Variants in MEIOB observed in about 807,000 individuals in gnomAD.
MEIOB encodes meiosis-specific with OB domain-containing protein.
MEIOB carries 50 observed loss-of-function variants against 53.1 expected under a neutral mutation model. That is an observed-to-expected ratio of 0.94 (90% CI 0.75 to 1.19). The LOEUF is 1.19. Ranked by LOEUF, MEIOB falls within the 50% of genes most tolerant of loss-of-function variation. The pLI is 0.00. For synonymous variants in MEIOB, 192 were observed against 182.5 expected, an observed-to-expected ratio of 1.05 and a Z score of -0.42; for missense variants, 551 against 550.8, an observed-to-expected ratio of 1.00 and a Z score of 0.00.
At chr16:1,869,572 C>G (rs969083054) in intron 1 of MEIOB, among the ~76,000 whole-genome samples, 3 of 151,974 alleles carry the variant, frequency 2.0e-5, no homozygotes, top group African/African-American at 4.8e-5. Flanking sequence ...CTCAGCCTCC[C>G]GAGTAGCTGG....
At chr16:1,866,483 G>A in intron 2 of MEIOB, among the ~76,000 whole-genome samples, 1 of 152,168 alleles carries the variant, frequency 6.6e-6, no homozygotes. Flanking sequence ...CACTCTGGGA[G>A]GCTGAGGCGG....
chr16:1,834,100 G>C lies in MEIOB; in HGVS notation c.*156C>G, dbSNP rs1898674645. On this transcript the variant is annotated 3_prime_UTR_variant, in exon 14 of 14. Transcript: ENST00000325962. Reference sequence around the variant, plus strand: ...GGAGGTCAGATGAGAGAGGCCTTCAGACTCACCCAGACCACCTCCACCATA... The same window carrying C: ...GGAGGTCAGATGAGAGAGGCCTTCACACTCACCCAGACCACCTCCACCATA... 1.8e-6 allele frequency: 1 copy of C among 559,858 alleles called. No individual in the cohort carries two copies. The highest frequency in any genetic ancestry group is 2.4e-5 in the South Asian group (1 of 41,050). 34.7% of individuals were successfully genotyped at this position (559,858 alleles called of 1,614,324 possible).
At chr16:1,837,661 T>C (rs980426408) in intron 13 of MEIOB, 123 bp downstream of exon 13, 2 of 534,900 alleles carry the variant, frequency 3.7e-6, no homozygotes, top group South Asian at 3.8e-5. Flanking sequence ...TGAATCCTTA[T>C]GCACATCTGG....
intron 4 of MEIOB, among the ~76,000 whole-genome samples, chr16:1,861,732 G>T (rs1899448613): frequency 6.6e-6 from 1 of 151,790 alleles, no homozygotes; most frequent in Admixed American, 6.6e-5. Context: ...ATGGGGTCTT[G>T]CCATGTTGCT....
At chr16:1,843,669 G>T (rs1485583221) in intron 10 of MEIOB, 1 of 149,182 alleles carries the variant, frequency 6.7e-6, no homozygotes, top group Non-Finnish European at 1.5e-5. Flanking sequence ...TTGCATCCCA[G>T]CCTGGGTGAC....
intron 10 of MEIOB, 106 bp from the exon 11 acceptor site, chr16:1,842,079 T>A: frequency 2.8e-6 from 2 of 713,704 alleles, no homozygotes; most frequent in Non-Finnish European, 2.0e-6. Flanking sequence ...GTAGCTTAAG[T>A]AACAGAAAAA....
chr16:1,845,025 A>C, intron 9 of MEIOB, 62 bp from the exon 10 acceptor site: 1 of 733,408 alleles, frequency 1.4e-6, no homozygotes, highest in African/African-American at 1.8e-5. Context: ...TCACATTTAA[A>C]TCATCCAAAA....
intron 7 of MEIOB, among the ~76,000 whole-genome samples, chr16:1,853,547 G>A (rs1456783366): frequency 1.3e-5 from 2 of 152,198 alleles, no homozygotes; most frequent in African/African-American, 4.8e-5. Context: ...CTCCAGGCTA[G>A]TTAGAACTAA....
At chr16:1,837,223 C>T (rs1474373856) in intron 13 of MEIOB, among the ~76,000 whole-genome samples, 1 of 152,116 alleles carries the variant, frequency 6.6e-6, no homozygotes, top group Non-Finnish European at 1.5e-5. Context: ...TGCAGGGTCT[C>T]ACAGGCTGAG....
intron 9 of MEIOB, among the ~76,000 whole-genome samples, chr16:1,845,477 G>T (rs539704960): frequency 6.6e-6 from 1 of 151,738 alleles, no homozygotes; most frequent in Admixed American, 6.6e-5. Context: ...CTGAGATAGC[G>T]CCACTGCACT....
At chr16:1,856,718 C>T (rs914898145) in intron 6 of MEIOB, among the ~76,000 whole-genome samples, 1 of 151,422 alleles carries the variant, frequency 6.6e-6, no homozygotes, top group Non-Finnish European at 1.5e-5. Context: ...CCTCAGCCTC[C>T]CAAAGTGCTA....
At chr16:1,847,962 T>A (rs920517198) in intron 9 of MEIOB, among the ~76,000 whole-genome samples, 3 of 152,064 alleles carry the variant, frequency 2.0e-5, no homozygotes, top group Non-Finnish European at 2.9e-5. Flanking sequence ...TATTATTATT[T>A]TTTGAGACAG....
Position 1,834,222 on chromosome 16 carries a change from T to G in MEIOB, c.*34A>C. ...CCATTTTAAAGGGAGTTAAAACTCT[T>G]ATACTTTTCCAGAGTTCAAAATGAT... On this transcript the variant is annotated 3_prime_UTR_variant, in exon 14 of 14. Transcript: ENST00000325962. 8.6e-7 allele frequency: 1 copy of G among 1,162,926 alleles called. No homozygotes were observed. Among genetic ancestry groups the G allele is most frequent in the Non-Finnish European group, 1.3e-6 (1 of 781,620 alleles). 72.0% of individuals were successfully genotyped at this position (1,162,926 alleles called of 1,614,324 possible).
chr16:1,834,965 T>C (rs1434421929), intron 13 of MEIOB, among the ~76,000 whole-genome samples: 1 of 98,164 alleles, frequency 1.0e-5, no homozygotes, highest in African/African-American at 4.0e-5. Context: ...AAAAAATGTC[T>C]AATGCAGGGC....
rs866775702 is a variant in MEIOB, at chr16:1,856,187, G to A, written c.528+1548C>T. On this transcript the variant is annotated intron_variant, in intron 6 of 13. Coordinates refer to ENST00000325962, the MANE Select transcript of MEIOB (RefSeq NM_001163560.3). ...TTTTTTTTTTTTGAGACGGAGTCTC[G>A]TTCTGTCGCCCAGACTGGAGGGCAG... is the stretch of plus-strand genomic sequence containing the variant. Among the ~76,000 whole-genome samples, 61 of 146,230 alleles carry A rather than the reference G, an allele frequency of 4.2e-4. No individual in the cohort carries two copies. The Middle Eastern group carries it at 0.037, about 89-fold the overall frequency.
intron 10 of MEIOB, among the ~76,000 whole-genome samples, chr16:1,843,097 A>G (rs960243181): frequency 2.2e-4 from 33 of 150,932 alleles, no homozygotes; most frequent in African/African-American, 7.8e-4. Context: ...GATCGCGACC[A>G]TCCTGGCTAA....
chr16:1,846,589 G>A (rs1045821907), intron 9 of MEIOB, among the ~76,000 whole-genome samples: 12 of 152,136 alleles, frequency 7.9e-5, no homozygotes, highest in African/African-American at 2.4e-4. Flanking sequence ...AGAAAATGTG[G>A]TACATGTATA....
chr16:1,871,027 T>C (rs1049976585), intron 1 of MEIOB, among the ~76,000 whole-genome samples: 1 of 152,080 alleles, frequency 6.6e-6, no homozygotes, highest in Non-Finnish European at 1.5e-5. Context: ...ATTATCTCTC[T>C]GAATTCCCTT....
At chr16:1,869,875 G>T (rs1430151158) in intron 1 of MEIOB, among the ~76,000 whole-genome samples, 1 of 50,054 alleles carries the variant, frequency 2.0e-5, no homozygotes, top group Non-Finnish European at 4.4e-5. Flanking sequence ...GAAAGGTAGT[G>T]ATTTTTTTTT....
Sources: gnomAD v4.1 joint callset for allele counts (sites outside exome capture counted in the v4.1 genomes callset) on GRCh38, gnomAD v4.1.1 for gene constraint, MANE v1.5 for transcripts, NCBI Gene and HGNC (gene_info 2026-07-23, HGNC 2026-07-21) for gene names.